The following ADAMTSL1 variants were observed in gnomAD, a reference collection of about 807,000 sequenced individuals.
The protein encoded by ADAMTSL1 is ADAMTS-like protein 1.
Under a neutral mutation model 201.8 loss-of-function variants are expected in ADAMTSL1, and 126 were observed. That is an observed-to-expected ratio of 0.62 (90% CI 0.54 to 0.72). The LOEUF (loss-of-function observed/expected upper bound fraction) is 0.72. Among genes scored for constraint, ADAMTSL1 ranks in the 30% least tolerant of loss-of-function variants. The pLI, the probability that ADAMTSL1 is intolerant of heterozygous loss-of-function variation, is 0.00. For missense variants in ADAMTSL1, 2,679 were observed against 2,277.8 expected (o/e 1.18, Z -3.59); for synonymous variants, 1,121 against 903.4 (o/e 1.24, Z -4.32).
At chr9:18,080,906 A>C (rs1217045185) in intron 1 of ADAMTSL1, among the ~76,000 whole-genome samples, 1 of 152,220 alleles carries the variant, frequency 6.6e-6, no homozygotes, top group African/African-American at 2.4e-5. Flanking sequence ...TGTTAGTCCC[A>C]AAATTATTTG....
At chr9:17,989,752 G>C (rs578258492) in intron 1 of ADAMTSL1, among the ~76,000 whole-genome samples, 75 of 151,786 alleles carry the variant, frequency 4.9e-4, no homozygotes, top group African/African-American at 1.7e-3. Context: ...TTTATTTCTA[G>C]AAATGGTAGT....
chr9:18,068,023 G>A (rs751934548), intron 1 of ADAMTSL1, among the ~76,000 whole-genome samples: 50 of 152,300 alleles, frequency 3.3e-4, no homozygotes, highest in Non-Finnish European at 6.0e-4. Context: ...GACTGTGGAA[G>A]TTAGGTTTCT....
At position 17,982,870 on chromosome 9, in the gene ADAMTSL1, C is replaced by T. The variant is rs557748913; in HGVS notation, c.87+75948C>T. ...TTATCACCAAGATAATGGCAGTTCT[C>T]ACTTGGGATGTTATTATTTTCTTAG... On this transcript the variant is annotated intron_variant, in intron 1 of 29. Coordinates refer to the ADAMTSL1 transcript ENST00000680146. 3.4e-4 allele frequency among the ~76,000 whole-genome samples: 52 copies of T among 151,858 alleles called. No individual in the cohort carries two copies. The East Asian group carries it at 9.7e-3, about 28-fold the overall frequency.
intron 24 of ADAMTSL1, among the ~76,000 whole-genome samples, chr9:18,888,426 G>A (rs1829039314): frequency 6.6e-6 from 1 of 152,242 alleles, no homozygotes; most frequent in Admixed American, 6.5e-5. Flanking sequence ...CCTCCTGCCT[G>A]GAGAGACAGG....
chr9:18,844,362 C>G (rs1467683822), intron 23 of ADAMTSL1, among the ~76,000 whole-genome samples: 1 of 152,170 alleles, frequency 6.6e-6, no homozygotes, highest in Admixed American at 6.5e-5. Context: ...TTTTCATGAA[C>G]CGCGAATGCT....
At chr9:18,072,785 C>T (rs1164283187) in intron 1 of ADAMTSL1, among the ~76,000 whole-genome samples, 2 of 152,258 alleles carry the variant, frequency 1.3e-5, no homozygotes, top group Middle Eastern at 3.4e-3. Flanking sequence ...CCACGGAGGG[C>T]GATGAAGAAT....
chr9:18,812,461 G>A (rs1240074768), intron 20 of ADAMTSL1, among the ~76,000 whole-genome samples: 1 of 152,030 alleles, frequency 6.6e-6, no homozygotes, highest in African/African-American at 2.4e-5. Context: ...AGACTTAAAG[G>A]TAAAATGTAA....
chr9:18,326,201 A>G (rs1253222843), intron 2 of ADAMTSL1, among the ~76,000 whole-genome samples: 1 of 152,198 alleles, frequency 6.6e-6, no homozygotes, highest in African/African-American at 2.4e-5. Context: ...TTCAAACCAT[A>G]GCAGCTGTGA....
At chr9:18,228,428 T>G (rs1283756833) in intron 2 of ADAMTSL1, among the ~76,000 whole-genome samples, 1 of 152,276 alleles carries the variant, frequency 6.6e-6, no homozygotes, top group Middle Eastern at 3.4e-3. Flanking sequence ...TTATTTATTC[T>G]TATTGGTTGA....
At chr9:18,129,918 T>C (rs1220917788) in intron 1 of ADAMTSL1, among the ~76,000 whole-genome samples, 1 of 152,124 alleles carries the variant, frequency 6.6e-6, no homozygotes, top group Non-Finnish European at 1.5e-5. Context: ...ACTGAGAAGA[T>C]GCTTTTAGTA....
At chr9:18,487,059 A>G (rs1822033951) in intron 1 of ADAMTSL1, among the ~76,000 whole-genome samples, 1 of 152,226 alleles carries the variant, frequency 6.6e-6, no homozygotes, top group Non-Finnish European at 1.5e-5. Flanking sequence ...GTCTAAATGT[A>G]TCTGCCCTGA....
intron 13 of ADAMTSL1, among the ~76,000 whole-genome samples, chr9:18,688,749 C>A (rs1831028715): frequency 8.0e-6 from 1 of 124,960 alleles, no homozygotes. Context: ...GGAATGCAGC[C>A]CAGCCAGTCT....
chr9:18,491,837 G>A (rs899214127), intron 1 of ADAMTSL1, among the ~76,000 whole-genome samples: 11 of 152,102 alleles, frequency 7.2e-5, no homozygotes, highest in Admixed American at 4.6e-4. Context: ...AAGTAGAGCT[G>A]TACTATTTAC....
intron 1 of ADAMTSL1, among the ~76,000 whole-genome samples, chr9:18,121,733 G>C (rs1161639714): frequency 6.6e-6 from 1 of 152,116 alleles, no homozygotes; most frequent in Admixed American, 6.6e-5. Flanking sequence ...CCTCCTATGA[G>C]GAAAGAGAAA....
At chr9:18,143,438 G>A (rs1429424358) in intron 1 of ADAMTSL1, among the ~76,000 whole-genome samples, 1 of 152,162 alleles carries the variant, frequency 6.6e-6, no homozygotes, top group Admixed American at 6.5e-5. Context: ...GCAGTTGGGG[G>A]TAAGGGCTGT....
At chr9:18,416,572 T>C (rs1818685355) in intron 2 of ADAMTSL1, among the ~76,000 whole-genome samples, 1 of 151,852 alleles carries the variant, frequency 6.6e-6, no homozygotes, top group Non-Finnish European at 1.5e-5. Flanking sequence ...AGTAAAAGGA[T>C]AGAAAAAGAT....
intron 16 of ADAMTSL1, among the ~76,000 whole-genome samples, chr9:18,758,484 G>T (rs1185008889): frequency 3.3e-5 from 5 of 152,172 alleles, no homozygotes; most frequent in African/African-American, 4.8e-5. Flanking sequence ...CAGGGGAACC[G>T]CAGGCCTGCG....
intron 2 of ADAMTSL1, among the ~76,000 whole-genome samples, chr9:18,443,047 A>G (rs911822202): frequency 1.8e-4 from 28 of 152,268 alleles, no homozygotes; most frequent in Admixed American, 5.9e-4. Context: ...TAGCTTTGCC[A>G]TTGCCACTGA....
intron 1 of ADAMTSL1, among the ~76,000 whole-genome samples, chr9:18,163,359 A>G (rs995915999): frequency 1.3e-5 from 2 of 152,042 alleles, no homozygotes; most frequent in Non-Finnish European, 2.9e-5. Flanking sequence ...CTTCCGGAGC[A>G]GCTAAAGTAC....
Sources: gnomAD v4.1 joint callset for allele counts (sites outside exome capture counted in the v4.1 genomes callset) on GRCh38, gnomAD v4.1.1 for gene constraint, MANE v1.5 for transcripts, NCBI Gene and HGNC (gene_info 2026-07-23, HGNC 2026-07-21) for gene names.